EHBP1: variants seen among roughly 807,000 people sequenced by gnomAD.
The protein encoded by EHBP1 is EH domain binding protein 1.
EHBP1 carries 55 observed loss-of-function variants against 144.0 expected under a neutral mutation model. That is an observed-to-expected ratio of 0.38 (90% CI 0.31 to 0.48). The LOEUF is 0.48. Ranked by LOEUF, EHBP1 falls within the 20% of genes least tolerant of loss-of-function variation. The pLI is 0.98. For synonymous variants in EHBP1, 469 were observed against 472.7 expected, an observed-to-expected ratio of 0.99 and a Z score of 0.10; for missense variants, 1,200 against 1,364.2, an observed-to-expected ratio of 0.88 and a Z score of 1.90.
chr2:62,785,278 A>G lies in EHBP1; in HGVS notation c.312+13886A>G, dbSNP rs565720071. On this transcript the variant is annotated intron_variant, in intron 5 of 22. Coordinates refer to ENST00000431489, the MANE Select transcript of EHBP1 (RefSeq NM_001142616.3). Reference sequence around the variant, plus strand: ...CCCACAGTTTAAAAAAGATATTTCTATAGAGAATGAATTGAAATGTGCAAA... The same window carrying G: ...CCCACAGTTTAAAAAAGATATTTCTGTAGAGAATGAATTGAAATGTGCAAA... Among the ~76,000 whole-genome samples, 20 of 152,318 alleles carry G rather than the reference A, an allele frequency of 1.3e-4. No homozygotes were observed. The East Asian group carries it at 3.7e-3, about 28-fold the overall frequency.
At chr2:63,026,009 G>T (rs1329541508) in intron 19 of EHBP1, among the ~76,000 whole-genome samples, 1 of 152,042 alleles carries the variant, frequency 6.6e-6, no homozygotes, top group Non-Finnish European at 1.5e-5. Flanking sequence ...TGCATTGAGG[G>T]GATTTAAAAA....
intron 10 of EHBP1, among the ~76,000 whole-genome samples, chr2:62,898,615 T>C (rs1436450362): frequency 1.3e-5 from 2 of 152,272 alleles, no homozygotes; most frequent in Middle Eastern, 3.4e-3. Context: ...CTCCAATCAC[T>C]ATATCATACC....
chr2:62,978,494 C>T (rs1054931588), intron 14 of EHBP1, among the ~76,000 whole-genome samples: 4 of 152,130 alleles, frequency 2.6e-5, no homozygotes, highest in Admixed American at 6.6e-5. Flanking sequence ...AGCCACCGTG[C>T]CCAGCCAATA....
chr2:62,978,952 T>G (rs2058836349), intron 14 of EHBP1, among the ~76,000 whole-genome samples: 1 of 152,214 alleles, frequency 6.6e-6, no homozygotes, highest in African/African-American at 2.4e-5. Context: ...TTACCAAACA[T>G]TCTTTAACTT....
intron 10 of EHBP1, among the ~76,000 whole-genome samples, chr2:62,927,779 A>G (rs141114004): frequency 2.0e-4 from 31 of 152,358 alleles, no homozygotes; most frequent in African/African-American, 7.5e-4. Context: ...CAAACATACA[A>G]AAAACTGCGC....
intron 10 of EHBP1, among the ~76,000 whole-genome samples, chr2:62,942,238 C>A (rs1426275558): frequency 6.6e-6 from 1 of 152,100 alleles, no homozygotes; most frequent in Non-Finnish European, 1.5e-5. Flanking sequence ...ACTTAAAATG[C>A]ATATATGATT....
intron 5 of EHBP1, among the ~76,000 whole-genome samples, chr2:62,778,219 G>C (rs2042177477): frequency 6.6e-6 from 1 of 152,036 alleles, no homozygotes; most frequent in Admixed American, 6.6e-5. Flanking sequence ...TAAGTGAATG[G>C]CGATGGGCTA....
At chr2:62,894,748 A>C (rs2052740576) in intron 10 of EHBP1, among the ~76,000 whole-genome samples, 1 of 152,094 alleles carries the variant, frequency 6.6e-6, no homozygotes, top group Non-Finnish European at 1.5e-5. Flanking sequence ...GAATGGCACT[A>C]TTAAAAGATT....
chr2:62,891,599 A>T (rs2052464759), intron 10 of EHBP1, among the ~76,000 whole-genome samples: 2 of 152,166 alleles, frequency 1.3e-5, no homozygotes, highest in South Asian at 4.1e-4. Flanking sequence ...ACTGGCTTAT[A>T]TACAGAGAGT....
At chr2:63,016,297 T>C (rs2060480438) in intron 19 of EHBP1, among the ~76,000 whole-genome samples, 1 of 152,162 alleles carries the variant, frequency 6.6e-6, no homozygotes, top group African/African-American at 2.4e-5. Context: ...TTTTTAACTG[T>C]GTCAAGATTT....
At chr2:62,875,635 C>T (rs1268243163) in intron 10 of EHBP1, among the ~76,000 whole-genome samples, 2 of 152,152 alleles carry the variant, frequency 1.3e-5, no homozygotes, top group East Asian at 1.9e-4. Context: ...GATACTTAAC[C>T]AGGCCAAAAT....
chr2:62,890,557 A>G (rs2052372179), intron 10 of EHBP1, among the ~76,000 whole-genome samples: 1 of 152,154 alleles, frequency 6.6e-6, no homozygotes, highest in Admixed American at 6.5e-5. Flanking sequence ...TTTGGTGTGT[A>G]GGAATGCTAG....
chr2:62,801,054 T>C (rs1249590503), intron 5 of EHBP1, among the ~76,000 whole-genome samples: 1 of 152,248 alleles, frequency 6.6e-6, no homozygotes, highest in African/African-American at 2.4e-5. Context: ...ATATCCTGTT[T>C]ATTCAAAGGT....
chr2:62,746,790 G>A (rs1204896291), intron 2 of EHBP1, among the ~76,000 whole-genome samples: 1 of 152,124 alleles, frequency 6.6e-6, no homozygotes, highest in African/African-American at 2.4e-5. Context: ...TAGAAGACCT[G>A]TATTTCAGTC....
chr2:62,688,877 T>A (rs1410189394), intron 1 of EHBP1, among the ~76,000 whole-genome samples: 4 of 152,162 alleles, frequency 2.6e-5, no homozygotes, highest in Admixed American at 6.5e-5. Context: ...TAATCCCCCT[T>A]TTTGGTCGAG....
intron 2 of EHBP1, among the ~76,000 whole-genome samples, chr2:62,716,201 C>G (rs938402093): frequency 6.6e-6 from 1 of 152,094 alleles, no homozygotes; most frequent in African/African-American, 2.4e-5. Flanking sequence ...CGCCCCAACC[C>G]GGGAACTTCC....
intron 5 of EHBP1, among the ~76,000 whole-genome samples, chr2:62,824,415 A>T (rs563848333): frequency 1.3e-5 from 2 of 152,108 alleles, no homozygotes; most frequent in East Asian, 3.9e-4. Flanking sequence ...ATTATTGTTC[A>T]TATCAGTGTA....
intron 2 of EHBP1, among the ~76,000 whole-genome samples, chr2:62,732,001 C>G (rs1366316785): frequency 6.6e-6 from 1 of 152,042 alleles, no homozygotes; most frequent in South Asian, 2.1e-4. Context: ...GGTACATTTC[C>G]ACTCCCATTA....
chr2:62,878,425 A>C (rs2152860093), intron 10 of EHBP1, among the ~76,000 whole-genome samples: 1 of 152,058 alleles, frequency 6.6e-6, no homozygotes, highest in Non-Finnish European at 1.5e-5. Flanking sequence ...GAAACTTTCC[A>C]AAAAAAATAA....
Sources: gnomAD v4.1 joint callset for allele counts (sites outside exome capture counted in the v4.1 genomes callset) on GRCh38, gnomAD v4.1.1 for gene constraint, MANE v1.5 for transcripts, NCBI Gene and HGNC (gene_info 2026-07-23, HGNC 2026-07-21) for gene names.